SCARA3: variants seen among roughly 807,000 people sequenced by gnomAD.
The protein encoded by SCARA3 is scavenger receptor class A member 3, also known as cellular stress response gene protein.
SCARA3 carries 39 observed loss-of-function variants against 47.0 expected under a neutral mutation model. The ratio of observed to expected loss-of-function variants is 0.83; its 90% CI spans 0.64 to 1.08. The LOEUF is 1.08. Ranked by LOEUF, SCARA3 falls within the 50% of genes least tolerant of loss-of-function variation. The probability of loss-of-function intolerance (pLI) is 0.00; values close to 1 mark genes in which losing one functional copy is unlikely to be tolerated. For synonymous variants in SCARA3, 356 were observed against 334.1 expected, an observed-to-expected ratio of 1.07 and a Z score of -0.71; for missense variants, 724 against 792.3, an observed-to-expected ratio of 0.91 and a Z score of 1.04.
the SCARA3 span, among the ~76,000 whole-genome samples, chr8:27,721,278 T>C: frequency 6.6e-6 from 1 of 152,218 alleles, no homozygotes; most frequent in Non-Finnish European, 1.5e-5. Context: ...TTTGAAGTTT[T>C]TAGAGACTTT....
intron 3 of SCARA3, among the ~76,000 whole-genome samples, chr8:27,654,560 G>T (rs185649148): frequency 6.6e-6 from 1 of 151,940 alleles, no homozygotes; most frequent in Non-Finnish European, 1.5e-5. Flanking sequence ...GGAGTTTGAG[G>T]CCAGCCTGGG....
At chr8:27,714,560 T>G in the SCARA3 span, among the ~76,000 whole-genome samples, 4 of 152,136 alleles carry the variant, frequency 2.6e-5, no homozygotes, top group Non-Finnish European at 4.4e-5. Context: ...TATGGCTTTA[T>G]AAAGTGTCTG....
the SCARA3 span, among the ~76,000 whole-genome samples, chr8:27,711,512 T>C: frequency 2.0e-5 from 3 of 152,188 alleles, no homozygotes; most frequent in Non-Finnish European, 4.4e-5. Flanking sequence ...GCTTATCTTG[T>C]ATATCTTCTG....
chr8:27,693,798 C>A, the SCARA3 span, among the ~76,000 whole-genome samples: 2 of 152,210 alleles, frequency 1.3e-5, no homozygotes, highest in African/African-American at 4.8e-5. Context: ...TTCTTGTAAT[C>A]CAGACATTCC....
the SCARA3 span, among the ~76,000 whole-genome samples, chr8:27,729,861 C>T: frequency 3.2e-3 from 491 of 152,210 alleles, 1 homozygote; most frequent in Middle Eastern, 0.01. Flanking sequence ...ATGCACACCG[C>T]GGAAGGTAGA....
At chr8:27,703,972 G>C in the SCARA3 span, among the ~76,000 whole-genome samples, 1 of 151,054 alleles carries the variant, frequency 6.6e-6, no homozygotes, top group Admixed American at 6.6e-5. Context: ...GCAGGATGAG[G>C]GGCTGGCATT....
rs1479617653 is a variant in SCARA3, at chr8:27,672,557, G to T, written c.*1206G>T. ...CTGATCACAGCTGCATGCCGACCTT[G>T]TCCCACCGGGACCCACAATGGCCCG... is the stretch of plus-strand genomic sequence containing the variant. On this transcript the variant is annotated 3_prime_UTR_variant, in exon 6 of 6. Coordinates refer to ENST00000301904, the MANE Select transcript of SCARA3 (RefSeq NM_016240.3). 1.0e-6 allele frequency: 1 copy of T among 985,600 alleles called. No homozygotes were observed. The highest frequency in any genetic ancestry group is 1.7e-5 in the African/African-American group (1 of 57,252). The allele number at this position is 985,600 out of a possible 1,614,324, so 61.1% of individuals were successfully genotyped here.
the SCARA3 span, among the ~76,000 whole-genome samples, chr8:27,713,993 C>T: frequency 2.0e-5 from 3 of 151,820 alleles, no homozygotes; most frequent in African/African-American, 7.3e-5. Context: ...AAGTGTGTGG[C>T]ACTTCCCCTC....
At chr8:27,668,972 G>GTT (rs1802081872) in intron 5 of SCARA3, among the ~76,000 whole-genome samples, 1 of 152,220 alleles carries the variant, frequency 6.6e-6, no homozygotes, top group Non-Finnish European at 1.5e-5. Flanking sequence ...GTGTGTAGGA[G>GTT]CAGGGCAGGG....
chr8:27,710,915 A>ATT, the SCARA3 span, among the ~76,000 whole-genome samples: 1,502 of 96,650 alleles, frequency 0.016, 37 homozygotes, highest in African/African-American at 0.052. Context: ...CTCATAGGTG[A>ATT]TTTTTTTTTT....
intron 5 of SCARA3, among the ~76,000 whole-genome samples, chr8:27,661,815 G>A (rs996313426): frequency 2.8e-4 from 42 of 152,100 alleles, no homozygotes; most frequent in African/African-American, 9.9e-4. Flanking sequence ...ATTTCTACCT[G>A]GGTGGGGTTG....
intron 5 of SCARA3, among the ~76,000 whole-genome samples, chr8:27,660,538 G>GATAGATAGATAGATAGAGAGATA (rs1249665494): frequency 6.6e-6 from 1 of 150,654 alleles, no homozygotes; most frequent in Non-Finnish European, 1.5e-5. Flanking sequence ...AGATGAGATA[G>GATAGATAGATAGATAGAGAGATA]ATAGATAGAT....
At chr8:27,660,803 T>C (rs913554454) in intron 5 of SCARA3, among the ~76,000 whole-genome samples, 2 of 149,638 alleles carry the variant, frequency 1.3e-5, no homozygotes, top group South Asian at 4.2e-4. Context: ...AGGGATGAGA[T>C]AGATAGAAAA....
downstream of SCARA3, among the ~76,000 whole-genome samples, chr8:27,680,300 A>T (rs953644808): frequency 6.6e-6 from 1 of 152,162 alleles, no homozygotes; most frequent in Admixed American, 6.5e-5. Flanking sequence ...CTTTGAAAAG[A>T]TAAATAAAAT....
chr8:27,639,493 C>T (rs1206479009), intron 1 of SCARA3, among the ~76,000 whole-genome samples: 1 of 152,016 alleles, frequency 6.6e-6, no homozygotes, highest in Non-Finnish European at 1.5e-5. Flanking sequence ...AAAAGTTGGA[C>T]AGCAGGTCCT....
At chr8:27,692,491 G>A in the SCARA3 span, among the ~76,000 whole-genome samples, 1 of 151,834 alleles carries the variant, frequency 6.6e-6, no homozygotes, top group East Asian at 1.9e-4. Context: ...GTGACAGCAG[G>A]TCCTGAAAGA....
In SCARA3 at chr8:27,651,561, T is replaced by G. The variant is rs754359326; in HGVS notation, c.160T>G (p.Ser54Ala). ...CCAGAAGAACCTATCTTTGCACACATCGGTGCGGATTCTTTACCTCTTCCT... is the reference window on the plus strand; with the variant it reads ...CCAGAAGAACCTATCTTTGCACACAGCGGTGCGGATTCTTTACCTCTTCCT... ...RCQKNLSLHT[S>A]VRILYLFLAL... Residue 54 changes from serine to alanine, a missense_variant, in exon 3 of 6, where the codon TCG (serine) becomes GCG (alanine). Physicochemically the swap from Ser to Ala is moderately conservative, Grantham distance 99. Transcript: ENST00000301904. 5.2e-5 allele frequency: 84 copies of G among 1,613,932 alleles called. No homozygotes were observed. The South Asian group carries it at 9.0e-4, about 17-fold the overall frequency.
At chr8:27,642,179 G>A (rs1801396282) in intron 1 of SCARA3, among the ~76,000 whole-genome samples, 2 of 152,080 alleles carry the variant, frequency 1.3e-5, no homozygotes, top group South Asian at 2.1e-4. Context: ...GAATAATTTG[G>A]GACTAGTGTC....
At chr8:27,673,157 AT>A, downstream of SCARA3, 1 of 225,404 alleles carries the variant, frequency 4.4e-6, no homozygotes, top group Non-Finnish European at 7.4e-6. Context: ...GTCTAACCTC[AT>A]TTTAGAAACA....
Sources: gnomAD v4.1 joint callset for allele counts (sites outside exome capture counted in the v4.1 genomes callset) on GRCh38, gnomAD v4.1.1 for gene constraint, MANE v1.5 for transcripts, NCBI Gene and HGNC (gene_info 2026-07-23, HGNC 2026-07-21) for gene names.